BORA: variants seen among roughly 807,000 people sequenced by gnomAD.
BORA encodes the protein BORA aurora kinase A activator, also known as protein aurora borealis.
In BORA, 26 loss-of-function variants were observed where a neutral mutation model predicts 55.8. The observed-to-expected ratio is 0.47, with a 90% CI of 0.34 to 0.65. The LOEUF (loss-of-function observed/expected upper bound fraction) is 0.65, where lower values mean the gene tolerates loss of function less well. Ranked by LOEUF, BORA falls within the 30% of genes least tolerant of loss-of-function variation. The pLI is 0.01. For synonymous variants in BORA, 201 were observed against 216.9 expected, an observed-to-expected ratio of 0.93 and a Z score of 0.64; for missense variants, 568 against 671.5, an observed-to-expected ratio of 0.85 and a Z score of 1.70.
chr13:72,745,899 G>C, intron 8 of BORA, 45 bp from the exon 9 acceptor site: 1 of 1,526,890 alleles, frequency 6.5e-7, no homozygotes, highest in Non-Finnish European at 8.9e-7. Flanking sequence ...TAAGAGTTAA[G>C]GAAGAGAACC....
intron 3 of BORA, among the ~76,000 whole-genome samples, chr13:72,732,837 T>C (rs1055042476): frequency 1.3e-5 from 2 of 152,192 alleles, no homozygotes; most frequent in Non-Finnish European, 2.9e-5. Flanking sequence ...TATTGAATGA[T>C]GGACAATTAT....
intron 4 of BORA, among the ~76,000 whole-genome samples, chr13:72,737,251 C>T (rs1383011285): frequency 1.3e-5 from 2 of 152,092 alleles, no homozygotes; most frequent in Non-Finnish European, 2.9e-5. Flanking sequence ...CGATTTATAG[C>T]GATTCCTGCT....
chr13:72,738,007 G>A lies in BORA; in HGVS notation c.352G>A (p.Glu118Lys), dbSNP rs2032964411. ...CGTACCCTCTCCTTGGACTGATCAT[G>A]AAGGGAAACAGCTTTCACAATGTCA... ...VIVPSPWTDH[E>K]GKQLSQCHSS... The change falls in exon 5 of 12, where the codon GAA (glutamate) becomes AAA (lysine). Residue 118 changes from glutamate (E) to lysine (K), a missense_variant. By Grantham distance (56) the Glu-to-Lys change is moderately conservative. Coordinates refer to ENST00000390667, the MANE Select transcript of BORA (RefSeq NM_024808.5). 1 of 1,600,506 alleles carries A rather than the reference G, an allele frequency of 6.2e-7. No individual in the cohort carries two copies. Among genetic ancestry groups the A allele is most frequent in the Non-Finnish European group, 8.5e-7 (1 of 1,171,576 alleles).
Position 72,729,078 on chromosome 13 carries a change from A to G in BORA, c.138A>G (p.Lys46=). 1.3e-6 allele frequency: 2 copies of G among 1,565,918 alleles called. No homozygotes were observed. The highest frequency in any genetic ancestry group is 1.7e-6 in the Non-Finnish European group (2 of 1,163,352). ...EQTLASPSVF[K]STKLPTPGKF... ...CTCTCGCCAGTCCTTCTGTTTTTAAATCAACAAAATTACCAGTAAGTTATT... is the reference window on the plus strand; with the variant it reads ...CTCTCGCCAGTCCTTCTGTTTTTAAGTCAACAAAATTACCAGTAAGTTATT... Residue 46 remains lysine (K), a synonymous_variant, in exon 2 of 12, where the codon AAA becomes AAG. Coordinates refer to ENST00000390667, the MANE Select transcript of BORA (RefSeq NM_024808.5).
At chr13:72,739,922 G>T (rs2033003014) in intron 5 of BORA, among the ~76,000 whole-genome samples, 1 of 152,052 alleles carries the variant, frequency 6.6e-6, no homozygotes, top group South Asian at 2.1e-4. Context: ...TTAGTTGGTG[G>T]GTTTAAAGCA....
At chr13:72,744,597 G>T in intron 7 of BORA, 36 bp downstream of exon 7, 1 of 1,493,468 alleles carries the variant, frequency 6.7e-7, no homozygotes, top group South Asian at 1.2e-5. Flanking sequence ...TTAATAACTT[G>T]AACCAAAGGT....
At position 72,746,075 on chromosome 13, in the gene BORA, A is replaced by ACTCTCG; in HGVS notation, c.870_871insCTCTCG (p.Leu289_Ser290dup). ...TTCAGATAGGAGAGACTCCACTCTC[A>ACTCTCG]GGTATGTCTCATAATAAAATACCTA... On this transcript the variant is annotated inframe_insertion and splice_region_variant, in exon 9 of 12. Coordinates refer to ENST00000390667, the MANE Select transcript of BORA (RefSeq NM_024808.5). 1 of 1,606,206 alleles carries ACTCTCG rather than the reference A, an allele frequency of 6.2e-7. No individual in the cohort carries two copies. The highest frequency in any genetic ancestry group is 1.3e-5 in the African/African-American group (1 of 74,698).
rs768690893 is a variant in BORA, at chr13:72,731,292, A to AT, written c.168dup (p.Arg57Ter). ...TTTCTTTTGTTAAGACTCCAGGGAA[A>AT]TTTAGATGGTCTATTGATCAACTAG... is the stretch of plus-strand genomic sequence containing the variant. On this transcript the variant is annotated frameshift_variant, in exon 3 of 12. Transcript: ENST00000390667. LOFTEE classifies it high-confidence loss of function. 16 of 1,607,880 alleles carry AT rather than the reference A, an allele frequency of 1.0e-5. No individual in the cohort carries two copies. Among genetic ancestry groups the AT allele is most frequent in the Non-Finnish European group, 1.3e-5 (15 of 1,176,452 alleles).
chr13:72,728,611 C>CT (rs2032739374), intron 1 of BORA, among the ~76,000 whole-genome samples: 1 of 152,250 alleles, frequency 6.6e-6, no homozygotes, highest in Non-Finnish European at 1.5e-5. Context: ...CTGTTGTAAC[C>CT]TTTAGTTTCC....
At chr13:72,744,658 G>A in intron 7 of BORA, 97 bp downstream of exon 7, 1 of 914,400 alleles carries the variant, frequency 1.1e-6, no homozygotes, top group South Asian at 1.6e-5. Context: ...ATGTGGCAGT[G>A]CCTCTTTCTA....
chr13:72,743,725 TTTATTTTTG>T, intron 6 of BORA, 123 bp downstream of exon 6: 5 of 721,980 alleles, frequency 6.9e-6, no homozygotes, highest in Non-Finnish European at 1.0e-5. Context: ...TTTTTTTTAA[TTTATTTTTG>T]TTTTTTTGAG....
At chr13:72,737,149 A>G (rs1024150112) in intron 4 of BORA, among the ~76,000 whole-genome samples, 8 of 152,192 alleles carry the variant, frequency 5.3e-5, no homozygotes, top group Non-Finnish European at 1.0e-4. Flanking sequence ...GAGGAAAGAA[A>G]AGTATACAAA....
At chr13:72,736,232 C>A (rs1006884161) in intron 4 of BORA, among the ~76,000 whole-genome samples, 2 of 151,818 alleles carry the variant, frequency 1.3e-5, no homozygotes, top group Non-Finnish European at 2.9e-5. Context: ...TAAAGAGAAA[C>A]CCAGCAGGTA....
Position 72,746,982 on chromosome 13 carries a change from G to A in BORA, c.1353G>A (p.Pro451=), listed in dbSNP as rs554227453. Residue 451 remains proline, a synonymous_variant, in exon 10 of 12, where the codon CCG becomes CCA. Transcript: ENST00000390667. The part of the protein sequence containing the change: ...IADETTWIKE[P]VDNGSLPMTD... ...ATGAGACCACTTGGATTAAGGAGCCGGTTGATAATGGCAGTTTACCCATGA... is the reference window on the plus strand; with the variant it reads ...ATGAGACCACTTGGATTAAGGAGCCAGTTGATAATGGCAGTTTACCCATGA... The A allele has an allele frequency of 1.5e-5, 25 of 1,614,058 alleles. No individual in the cohort carries two copies. The highest frequency in any genetic ancestry group is 1.1e-4 in the African/African-American group (8 of 75,008).
chr13:72,737,164 C>G (rs561468806), intron 4 of BORA, among the ~76,000 whole-genome samples: 2 of 152,186 alleles, frequency 1.3e-5, no homozygotes, highest in African/African-American at 4.8e-5. Flanking sequence ...TACAAATGCT[C>G]TATCTCATTT....
intron 4 of BORA, among the ~76,000 whole-genome samples, chr13:72,735,901 G>T (rs918540839): frequency 6.6e-6 from 1 of 152,110 alleles, no homozygotes; most frequent in Non-Finnish European, 1.5e-5. Flanking sequence ...GAGCCACTGC[G>T]CCTGGCCCAG....
intron 4 of BORA, among the ~76,000 whole-genome samples, 166 bp from the exon 5 acceptor site, chr13:72,737,796 T>A (rs2032958413): frequency 6.6e-6 from 1 of 152,246 alleles, no homozygotes; most frequent in African/African-American, 2.4e-5. Context: ...TCTTTATATA[T>A]ACTTTAAATT....
intron 4 of BORA, among the ~76,000 whole-genome samples, chr13:72,735,213 C>G (rs1021432562): frequency 6.6e-6 from 1 of 152,170 alleles, no homozygotes; most frequent in Non-Finnish European, 1.5e-5. Flanking sequence ...CACTTGCATA[C>G]TGTTGTAATG....
chr13:72,746,973 T>G lies in BORA; in HGVS notation c.1344T>G (p.Ile448Met), dbSNP rs1217450472. The change falls in exon 10 of 12, where the codon ATT (isoleucine) becomes ATG (methionine). Residue 448 changes from isoleucine (I) to methionine (M), a missense_variant. Ile to Met is a conservative substitution (Grantham distance 10). Coordinates refer to ENST00000390667, the MANE Select transcript of BORA (RefSeq NM_024808.5). ...AGATAGCAGATGAGACCACTTGGAT[T>G]AAGGAGCCGGTTGATAATGGCAGTT... ...PIEIADETTW[I>M]KEPVDNGSLP... The G allele has an allele frequency of 4.3e-6, 7 of 1,614,112 alleles. No individual in the cohort carries two copies. The Admixed American group carries it at 6.7e-5, about 15-fold the overall frequency.
Sources: gnomAD v4.1 joint callset for allele counts (sites outside exome capture counted in the v4.1 genomes callset) on GRCh38, gnomAD v4.1.1 for gene constraint, MANE v1.5 for transcripts, NCBI Gene and HGNC (gene_info 2026-07-23, HGNC 2026-07-21) for gene names.